PPM1L: variants seen among roughly 807,000 people sequenced by gnomAD.
PPM1L encodes the protein protein phosphatase, Mg2+/Mn2+ dependent 1L, also known as protein phosphatase 1L.
In PPM1L, 13 loss-of-function variants were observed where a neutral mutation model predicts 31.4. The ratio of observed to expected loss-of-function variants is 0.41; its 90% CI spans 0.27 to 0.66. The LOEUF (loss-of-function observed/expected upper bound fraction) is 0.66, where lower values mean the gene tolerates loss of function less well. Among genes scored for constraint, PPM1L ranks in the 30% least tolerant of loss-of-function variants. The probability of loss-of-function intolerance (pLI) is 0.29; values close to 1 mark genes in which losing one functional copy is unlikely to be tolerated. For missense variants in PPM1L, 326 were observed against 453.7 expected (o/e 0.72, Z 2.56); for synonymous variants, 184 against 175.4 (o/e 1.05, Z -0.39).
At chr3:160,972,172 A>G (rs576428284) in intron 2 of PPM1L, among the ~76,000 whole-genome samples, 1 of 152,186 alleles carries the variant, frequency 6.6e-6, no homozygotes, top group South Asian at 2.1e-4. Context: ...GATTCCTCCA[A>G]TGTAGAAAAA....
intron 1 of PPM1L, among the ~76,000 whole-genome samples, chr3:160,865,110 A>C (rs1039589263): frequency 3.9e-5 from 6 of 152,160 alleles, no homozygotes; most frequent in African/African-American, 1.4e-4. Flanking sequence ...TTTGATGCCA[A>C]ATATCAGAAA....
Position 160,820,266 on chromosome 3 carries a change from T to A in PPM1L, c.399+63559T>A, listed in dbSNP as rs114598048. Among the ~76,000 whole-genome samples, 1,024 of 152,238 alleles carry A rather than the reference T, an allele frequency of 6.7e-3. 12 individuals are homozygous for A. The highest frequency in any genetic ancestry group is 0.024 in the African/African-American group (983 of 41,554). Reference sequence around the variant, plus strand: ...TATGTTTAGATAAAGTACATGATGATGAAATCATCCTTGGTTTATTTGCTT... The same window carrying A: ...TATGTTTAGATAAAGTACATGATGAAGAAATCATCCTTGGTTTATTTGCTT... On this transcript the variant is annotated intron_variant, in intron 1 of 3. Transcript: ENST00000498165.
rs188053190 is a variant in PPM1L at position 160,761,187 on chromosome 3, A to G, written c.399+4480A>G. 3.2e-3 allele frequency among the ~76,000 whole-genome samples: 492 copies of G among 152,342 alleles called. 1 individual carries two copies. Among genetic ancestry groups the G allele is most frequent in the Non-Finnish European group, 4.3e-3 (292 of 68,028 alleles). Reference sequence around the variant, plus strand: ...TGTAGTTTCAGAGACAAGTGGATGCATGAAGCCTCTGAATTTCAGATTAGT... The same window carrying G: ...TGTAGTTTCAGAGACAAGTGGATGCGTGAAGCCTCTGAATTTCAGATTAGT... On this transcript the variant is annotated intron_variant, in intron 1 of 3. Transcript: ENST00000498165.
intron 2 of PPM1L, among the ~76,000 whole-genome samples, chr3:160,964,616 C>T (rs1716073779): frequency 1.3e-5 from 2 of 151,966 alleles, no homozygotes; most frequent in Non-Finnish European, 2.9e-5. Context: ...TTAGTCTTTT[C>T]GTGGCATACA....
intron 1 of PPM1L, among the ~76,000 whole-genome samples, chr3:160,799,884 A>T (rs1712373979): frequency 6.6e-6 from 1 of 151,946 alleles, no homozygotes; most frequent in African/African-American, 2.4e-5. Flanking sequence ...GTATCTATTG[A>T]CCTATTATTT....
chr3:160,781,658 G>A (rs1429098006), intron 1 of PPM1L, among the ~76,000 whole-genome samples: 4 of 152,130 alleles, frequency 2.6e-5, no homozygotes, highest in South Asian at 2.1e-4. Flanking sequence ...CTGAAGGACC[G>A]GCAACTTCTA....
intron 1 of PPM1L, among the ~76,000 whole-genome samples, chr3:160,844,493 A>G (rs1461047827): frequency 6.6e-6 from 1 of 152,128 alleles, no homozygotes; most frequent in African/African-American, 2.4e-5. Flanking sequence ...GCACAATGCT[A>G]TATATATATG....
At chr3:160,984,456 C>A (rs1353501459) in intron 2 of PPM1L, among the ~76,000 whole-genome samples, 2 of 152,180 alleles carry the variant, frequency 1.3e-5, no homozygotes, top group African/African-American at 4.8e-5. Flanking sequence ...AACACACATG[C>A]TCTACAAACA....
intron 1 of PPM1L, chr3:160,939,625 T>A (rs1401016981): frequency 6.4e-6 from 1 of 156,392 alleles, no homozygotes; most frequent in Non-Finnish European, 1.4e-5. Context: ...TTTCCGCTTT[T>A]ACTTTTTCCT....
chr3:161,001,249 CAAGAA>C (rs1717470287), intron 2 of PPM1L, among the ~76,000 whole-genome samples: 3 of 151,912 alleles, frequency 2.0e-5, no homozygotes, highest in African/African-American at 7.3e-5. Flanking sequence ...AAACAAACAA[CAAGAA>C]AATACCCAAG....
At chr3:161,024,381 TA>T (rs1159568249) in intron 2 of PPM1L, among the ~76,000 whole-genome samples, 1 of 151,956 alleles carries the variant, frequency 6.6e-6, no homozygotes, top group East Asian at 1.9e-4. Context: ...AGGGCTTTCC[TA>T]CCTCGGAAGC....
At chr3:160,882,663 T>C (rs1712764313) in intron 1 of PPM1L, among the ~76,000 whole-genome samples, 1 of 152,168 alleles carries the variant, frequency 6.6e-6, no homozygotes, top group Non-Finnish European at 1.5e-5. Context: ...CTTAAACAGA[T>C]CTCTTTTTGG....
In PPM1L at chr3:160,861,094, A is replaced by T. The variant is rs528550476; in HGVS notation, c.400-100642A>T. ...TTCATATAAGAGGTTGAAAGGTTCA[A>T]AGTGGAAGGTCACGTAGTGTATCAT... On this transcript the variant is annotated intron_variant, in intron 1 of 3. Transcript: ENST00000498165. Among the ~76,000 whole-genome samples, 4 of 152,308 alleles carry T rather than the reference A, an allele frequency of 2.6e-5. No homozygotes were observed. In the East Asian group the frequency reaches 7.7e-4, roughly 29 times the overall value.
intron 2 of PPM1L, among the ~76,000 whole-genome samples, chr3:161,031,984 G>C (rs1718579330): frequency 6.6e-6 from 1 of 152,176 alleles, no homozygotes; most frequent in African/African-American, 2.4e-5. Flanking sequence ...GAGAAAGAAA[G>C]AGCAAAGTCT....
intron 2 of PPM1L, among the ~76,000 whole-genome samples, chr3:161,061,191 A>G (rs1719560429): frequency 2.0e-5 from 3 of 151,032 alleles, no homozygotes; most frequent in Admixed American, 1.3e-4. Context: ...AGTGCTCAGC[A>G]TTGCTTTGCA....
At chr3:160,888,763 CCACATAA>C (rs1352901626) in intron 1 of PPM1L, among the ~76,000 whole-genome samples, 3 of 152,104 alleles carry the variant, frequency 2.0e-5, no homozygotes, top group Non-Finnish European at 4.4e-5. Context: ...CTAAAATCTA[CCACATAA>C]GTAAAACATT....
intron 2 of PPM1L, among the ~76,000 whole-genome samples, chr3:161,021,829 T>C (rs924408320): frequency 3.3e-5 from 5 of 152,056 alleles, no homozygotes; most frequent in Admixed American, 1.3e-4. Flanking sequence ...GTAAAGCTAC[T>C]CTAGTTCTCT....
rs963548734 is a variant in PPM1L, at chr3:160,783,120, G to C, written c.399+26413G>C. On this transcript the variant is annotated intron_variant, in intron 1 of 3. Transcript: ENST00000498165. Reference sequence around the variant, plus strand: ...AAAGAAGGCCACAATCCTTAAAAAGGCTTCCTCCTTTAGAGCGGCTTTTAT... The same window carrying C: ...AAAGAAGGCCACAATCCTTAAAAAGCCTTCCTCCTTTAGAGCGGCTTTTAT... Among the ~76,000 whole-genome samples, 11 of 152,122 alleles carry C rather than the reference G, an allele frequency of 7.2e-5. 1 individual carries two copies. The highest frequency in any genetic ancestry group is 1.9e-4 in the East Asian group (1 of 5,192).
At chr3:160,915,120 C>G (rs2108066134) in intron 1 of PPM1L, among the ~76,000 whole-genome samples, 1 of 152,228 alleles carries the variant, frequency 6.6e-6, no homozygotes, top group Non-Finnish European at 1.5e-5. Flanking sequence ...GTCAAATTGT[C>G]CCTGTTTGCA....
Sources: gnomAD v4.1 joint callset for allele counts (sites outside exome capture counted in the v4.1 genomes callset) on GRCh38, gnomAD v4.1.1 for gene constraint, MANE v1.5 for transcripts, NCBI Gene and HGNC (gene_info 2026-07-23, HGNC 2026-07-21) for gene names.